MALRD1: variants seen among roughly 807,000 people sequenced by gnomAD.
The protein encoded by MALRD1 is MAM and LDL-receptor class A domain-containing protein 1.
In MALRD1, 247 loss-of-function variants were observed where a neutral mutation model predicts 242.1. The ratio of observed to expected loss-of-function variants is 1.02; its 90% CI spans 0.92 to 1.13. MALRD1 has a LOEUF of 1.13. Ranked by LOEUF, MALRD1 falls within the 50% of genes most tolerant of loss-of-function variation. The pLI, the probability that MALRD1 is intolerant of heterozygous loss-of-function variation, is 0.00. For missense variants in MALRD1, 2,989 were observed against 2,533.1 expected, an observed-to-expected ratio of 1.18 and a Z score of -3.86; for synonymous variants, 995 against 866.6, an observed-to-expected ratio of 1.15 and a Z score of -2.60.
chr10:19,506,049 G>C (rs1833122548), intron 31 of MALRD1, among the ~76,000 whole-genome samples: 1 of 152,162 alleles, frequency 6.6e-6, no homozygotes, highest in African/African-American at 2.4e-5. Context: ...TTCTGCGTGG[G>C]ATTCCAGTGC....
chr10:19,705,110 A>G (rs1028150033), intron 38 of MALRD1, among the ~76,000 whole-genome samples: 7 of 152,176 alleles, frequency 4.6e-5, no homozygotes, highest in African/African-American at 1.4e-4. Flanking sequence ...TGTTCCTGTA[A>G]TATTATATTC....
chr10:19,643,446 C>A (rs969555223), intron 36 of MALRD1, among the ~76,000 whole-genome samples: 1 of 149,752 alleles, frequency 6.7e-6, no homozygotes, highest in African/African-American at 2.5e-5. Flanking sequence ...AACTCCGTCT[C>A]AAAAAAAAAT....
chr10:19,135,100 G>T (rs1833282678), intron 9 of MALRD1, among the ~76,000 whole-genome samples: 1 of 152,080 alleles, frequency 6.6e-6, no homozygotes, highest in African/African-American at 2.4e-5. Flanking sequence ...AGACATATTT[G>T]CAAACTGAAA....
chr10:19,677,188 G>A (rs1271902519), intron 36 of MALRD1, among the ~76,000 whole-genome samples: 1 of 152,092 alleles, frequency 6.6e-6, no homozygotes, highest in African/African-American at 2.4e-5. Context: ...CCCAGTAATG[G>A]GATTGCTGGG....
chr10:19,488,716 G>C, intron 29 of MALRD1: 1 of 196,682 alleles, frequency 5.1e-6, no homozygotes, highest in Non-Finnish European at 1.1e-5. Context: ...AACTAAGCTG[G>C]AACCAAGGAC....
intron 21 of MALRD1, among the ~76,000 whole-genome samples, chr10:19,302,060 A>C (rs1318146881): frequency 6.6e-6 from 1 of 151,872 alleles, no homozygotes; most frequent in Admixed American, 6.6e-5. Flanking sequence ...CCAGAGTGAG[A>C]TACCACTTCA....
intron 17 of MALRD1, among the ~76,000 whole-genome samples, chr10:19,206,128 T>C (rs764921762): frequency 1.3e-5 from 2 of 151,540 alleles, no homozygotes; most frequent in Non-Finnish European, 2.9e-5. Flanking sequence ...ATTATTTCTT[T>C]TATGTATTAA....
At chr10:19,252,654 A>C (rs1839345306) in intron 18 of MALRD1, among the ~76,000 whole-genome samples, 1 of 151,982 alleles carries the variant, frequency 6.6e-6, no homozygotes, top group Non-Finnish European at 1.5e-5. Flanking sequence ...CTATTACCAC[A>C]ATGTTATTAT....
chr10:19,585,792 G>T (rs1837361136), intron 33 of MALRD1, among the ~76,000 whole-genome samples: 1 of 152,246 alleles, frequency 6.6e-6, no homozygotes, highest in African/African-American at 2.4e-5. Flanking sequence ...GATTGGGGAA[G>T]TTCTCCTGGA....
chr10:19,431,491 A>C (rs1457904504), intron 28 of MALRD1, among the ~76,000 whole-genome samples: 2 of 152,212 alleles, frequency 1.3e-5, no homozygotes, highest in Admixed American at 1.3e-4. Context: ...GACTTTTATG[A>C]GTAGTAACAT....
At chr10:19,423,216 G>A (rs1249145613) in intron 28 of MALRD1, among the ~76,000 whole-genome samples, 7 of 151,796 alleles carry the variant, frequency 4.6e-5, no homozygotes. Flanking sequence ...ACAGATCTAG[G>A]ATATTGTACA....
intron 38 of MALRD1, among the ~76,000 whole-genome samples, chr10:19,707,374 C>T (rs1426903558): frequency 1.3e-5 from 2 of 152,156 alleles, no homozygotes; most frequent in African/African-American, 4.8e-5. Flanking sequence ...CTCAAATTTT[C>T]CAATTTAAGT....
At chr10:19,431,999 T>A (rs1003382341) in intron 28 of MALRD1, among the ~76,000 whole-genome samples, 2 of 152,212 alleles carry the variant, frequency 1.3e-5, no homozygotes, top group Non-Finnish European at 2.9e-5. Context: ...TATGAATTTT[T>A]TTTTCTCCTT....
chr10:19,712,815 C>G (rs2478745), intron 38 of MALRD1, among the ~76,000 whole-genome samples: 54,467 of 151,890 alleles, frequency 0.36, 11,280 homozygotes, highest in Admixed American at 0.46. Context: ...AGAGAAAAGA[C>G]TATTTTTAGA....
chr10:19,656,346 AC>A (rs1841152156), intron 36 of MALRD1, among the ~76,000 whole-genome samples: 1 of 152,194 alleles, frequency 6.6e-6, no homozygotes, highest in Non-Finnish European at 1.5e-5. Context: ...GCTGTTATTT[AC>A]AATAGCCTAT....
At chr10:19,611,530 A>T (rs572359192) in intron 35 of MALRD1, among the ~76,000 whole-genome samples, 7 of 152,166 alleles carry the variant, frequency 4.6e-5, no homozygotes, top group African/African-American at 1.7e-4. Flanking sequence ...ACACATATTC[A>T]TAATAACCAA....
At chr10:19,540,320 T>G (rs1834907606) in intron 32 of MALRD1, among the ~76,000 whole-genome samples, 2 of 141,890 alleles carry the variant, frequency 1.4e-5, no homozygotes, top group Admixed American at 1.5e-4. Context: ...CTCTCTTAAA[T>G]GCAGAATGAC....
intron 21 of MALRD1, among the ~76,000 whole-genome samples, chr10:19,287,943 G>T (rs1336966704): frequency 1.3e-5 from 2 of 152,050 alleles, no homozygotes; most frequent in African/African-American, 4.8e-5. Context: ...CTGTAAACAA[G>T]CAGGGAGAAA....
At chr10:19,321,848 G>A (rs1004168390) in intron 21 of MALRD1, among the ~76,000 whole-genome samples, 9 of 152,072 alleles carry the variant, frequency 5.9e-5, no homozygotes, top group East Asian at 1.9e-4. Flanking sequence ...TGGATTGGGG[G>A]ACATGATTTA....
Sources: allele counts gnomAD v4.1 joint callset (sites outside exome capture counted in the v4.1 genomes callset), GRCh38; gene constraint gnomAD v4.1.1; transcripts MANE v1.5; gene names NCBI Gene and HGNC (gene_info 2026-07-23, HGNC 2026-07-21).